Variants in BRWD1 observed in about 807,000 individuals in gnomAD.
BRWD1 encodes the protein bromodomain and WD repeat-containing protein 1.
BRWD1 carries 82 observed loss-of-function variants against 251.2 expected under a neutral mutation model. The ratio of observed to expected loss-of-function variants is 0.33; its 90% CI spans 0.27 to 0.39. The LOEUF is 0.39. BRWD1 is among the 10% of genes least tolerant of loss of function. The probability of loss-of-function intolerance (pLI) is 1.00; values close to 1 mark genes in which losing one functional copy is unlikely to be tolerated. For synonymous variants in BRWD1, 918 were observed against 902.8 expected (o/e 1.02, Z -0.30); for missense variants, 2,233 against 2,711.6 (o/e 0.82, Z 3.92).
chr21:39,264,883 A>G lies in BRWD1; in HGVS notation c.1659+8T>C. The G allele has an allele frequency of 6.2e-7, 1 of 1,609,600 alleles. No homozygotes were observed. The highest frequency in any genetic ancestry group is 2.2e-5 in the East Asian group (1 of 44,870). ...ACTTGCATGCTACAACAAAGTATTA[A>G]AAATGACCTTTTCATATGGTTTGCT... On this transcript the variant is annotated splice_region_variant and intron_variant, in intron 16 of 40. Coordinates refer to ENST00000342449, the MANE Select transcript of BRWD1 (RefSeq NM_033656.4).
intron 29 of BRWD1, among the ~76,000 whole-genome samples, chr21:39,219,035 C>G (rs1178437948): frequency 2.2e-5 from 1 of 46,068 alleles, no homozygotes; most frequent in African/African-American, 1.1e-4. Flanking sequence ...TTTAAAAAGT[C>G]AAGTCAAAAT....
chr21:39,319,547 TTAA>T (rs1218183007), intron 1 of BRWD1, among the ~76,000 whole-genome samples: 2 of 152,234 alleles, frequency 1.3e-5, no homozygotes, highest in African/African-American at 4.8e-5. Flanking sequence ...TTCGTTTTGT[TTAA>T]TAATCTTTAA....
intron 29 of BRWD1, among the ~76,000 whole-genome samples, chr21:39,222,436 G>T (rs2033214961): frequency 6.6e-6 from 1 of 152,170 alleles, no homozygotes; most frequent in Non-Finnish European, 1.5e-5. Flanking sequence ...CTGAGGTAAG[G>T]AAAGTACAAG....
intron 1 of BRWD1, among the ~76,000 whole-genome samples, chr21:39,318,861 C>A (rs1411508289): frequency 1.3e-5 from 2 of 152,184 alleles, no homozygotes; most frequent in East Asian, 3.8e-4. Flanking sequence ...CTCAAGTGAT[C>A]CTCCCGCCTT....
chr21:39,254,775 A>C (rs1489836334), intron 19 of BRWD1, among the ~76,000 whole-genome samples: 2 of 152,256 alleles, frequency 1.3e-5, no homozygotes, highest in East Asian at 3.8e-4. Context: ...ATGAATCTAC[A>C]CATTAAGCAC....
chr21:39,215,637 T>C (rs2032857899), intron 31 of BRWD1, among the ~76,000 whole-genome samples: 1 of 152,148 alleles, frequency 6.6e-6, no homozygotes, highest in South Asian at 2.1e-4. Context: ...CTTTTCATAC[T>C]GCATATAGGT....
At chr21:39,257,694 T>C (rs910581266) in intron 18 of BRWD1, among the ~76,000 whole-genome samples, 1 of 152,156 alleles carries the variant, frequency 6.6e-6, no homozygotes, top group African/African-American at 2.4e-5. Context: ...ATTATGGTTA[T>C]GTAAGAGAAT....
At chr21:39,213,458 T>C in intron 33 of BRWD1, 23 bp downstream of exon 33, 2 of 1,594,478 alleles carry the variant, frequency 1.3e-6, no homozygotes, top group Non-Finnish European at 8.6e-7. Context: ...CAAAAACCAT[T>C]ATAAAATCAA....
chr21:39,248,115 A>G (rs2034260167), intron 20 of BRWD1, among the ~76,000 whole-genome samples: 1 of 152,188 alleles, frequency 6.6e-6, no homozygotes, highest in Non-Finnish European at 1.5e-5. Flanking sequence ...ATAATCTGAA[A>G]AGGATGTCAC....
chr21:39,236,838 G>T (rs2033828500), intron 22 of BRWD1, 54 bp from the exon 23 acceptor site: 7 of 1,456,150 alleles, frequency 4.8e-6, no homozygotes, highest in Non-Finnish European at 4.7e-6. Context: ...AGCACTGATA[G>T]CAAGTCAATC....
chr21:39,285,777 A>T (rs1436229125), intron 8 of BRWD1, among the ~76,000 whole-genome samples: 1 of 151,366 alleles, frequency 6.6e-6, no homozygotes, highest in African/African-American at 2.4e-5. Context: ...ACACACAAAA[A>T]AACTTAGCCA....
chr21:39,283,820 T>A (rs550491250), intron 8 of BRWD1, among the ~76,000 whole-genome samples: 2 of 152,360 alleles, frequency 1.3e-5, no homozygotes, highest in East Asian at 3.9e-4. Flanking sequence ...CAGTCGCCAA[T>A]GACTATAATA....
intron 31 of BRWD1, chr21:39,217,035 AAATATATATATATATT>A (rs1281430933): frequency 0.036 from 743 of 20,420 alleles, 8 homozygotes; most frequent in Non-Finnish European, 0.048. Flanking sequence ...ATATATATAT[AAATATATATATATATT>A]TATATATATA....
chr21:39,249,969 C>T (rs560035025), intron 20 of BRWD1, among the ~76,000 whole-genome samples: 2 of 150,242 alleles, frequency 1.3e-5, no homozygotes, highest in African/African-American at 2.5e-5. Context: ...TACACACACA[C>T]ATAGATATAT....
chr21:39,196,031 G>C lies in BRWD1; in HGVS notation c.*228C>G. ...TATGTAGTCAAATACTGTCAAAATA[G>C]ATCTGCCCCCAAAATGAAGCATATT... On this transcript the variant is annotated 3_prime_UTR_variant, in exon 41 of 41. Coordinates refer to ENST00000342449, the MANE Select transcript of BRWD1 (RefSeq NM_033656.4). 2 of 1,254,392 alleles carry C rather than the reference G, an allele frequency of 1.6e-6. No homozygotes were observed. Among genetic ancestry groups the C allele is most frequent in the Middle Eastern group, 3.1e-4 (1 of 3,206 alleles). The allele number at this position is 1,254,392 out of a possible 1,614,324, so 77.7% of individuals were successfully genotyped here. A position where few individuals can be genotyped will look rare whatever the true frequency, so the allele number is the denominator to read the frequency against.
chr21:39,301,039 C>T (rs1277786405), intron 4 of BRWD1, among the ~76,000 whole-genome samples: 2 of 152,012 alleles, frequency 1.3e-5, no homozygotes, highest in African/African-American at 2.4e-5. Context: ...ATTAGCCAGG[C>T]GTGGTGGCAG....
At chr21:39,266,897 G>C (rs1568931944) in intron 15 of BRWD1, among the ~76,000 whole-genome samples, 1 of 152,164 alleles carries the variant, frequency 6.6e-6, no homozygotes, top group Admixed American at 6.5e-5. Context: ...TTGCCCACGT[G>C]AAATGTTTTT....
rs774783483 is a variant in BRWD1, at chr21:39,202,453, T to A, written c.4457A>T (p.Tyr1486Phe). 1.2e-6 allele frequency: 2 copies of A among 1,613,922 alleles called. No homozygotes were observed. The highest frequency in any genetic ancestry group is 2.7e-5 in the African/African-American group (2 of 74,928). Reference protein sequence around the residue: ...PTQSTSSRTAYLGTHKTSAGI... With the variant: ...PTQSTSSRTAFLGTHKTSAGI... ...AGCACTTGTCTTGTGGGTTCCAAGA[T>A]AAGCTGTCCTACTTGAGGTAGACTG... The change falls in exon 38 of 41, where the codon TAT becomes TTT. Residue 1486 changes from tyrosine to phenylalanine, a missense_variant. This residue lies in a region of BRWD1 where 928 missense variants were observed against 970.0 expected (regional missense o/e 0.96). Transcript: ENST00000342449.
intron 19 of BRWD1, among the ~76,000 whole-genome samples, chr21:39,253,274 G>A (rs1255589610): frequency 1.1e-5 from 1 of 92,226 alleles, no homozygotes; most frequent in African/African-American, 4.8e-5. Flanking sequence ...GGTGACAAAA[G>A]CGAAACTGTC....
Sources: gnomAD v4.1 joint callset for allele counts (sites outside exome capture counted in the v4.1 genomes callset) on GRCh38, gnomAD v4.1.1 for gene constraint, gnomAD v4.1.1 regional missense constraint, MANE v1.5 for transcripts, NCBI Gene and HGNC (gene_info 2026-07-23, HGNC 2026-07-21) for gene names.